TSPAN9: variants seen among roughly 807,000 people sequenced by gnomAD.
The protein encoded by TSPAN9 is tetraspanin-9.
A neutral mutation model predicts 31.0 loss-of-function variants in TSPAN9; 16 were observed. The observed-to-expected ratio is 0.52, with a 90% CI of 0.35 to 0.78. TSPAN9 has a LOEUF of 0.78. Among genes scored for constraint, TSPAN9 ranks in the 30% least tolerant of loss-of-function variants. TSPAN9 has a pLI of 0.01. For missense variants in TSPAN9, 272 were observed against 312.5 expected (o/e 0.87, Z 0.98); for synonymous variants, 145 against 121.6 (o/e 1.19, Z -1.27).
At chr12:3,203,956 G>C (rs1279866670) in intron 3 of TSPAN9, among the ~76,000 whole-genome samples, 1 of 152,198 alleles carries the variant, frequency 6.6e-6, no homozygotes, top group Non-Finnish European at 1.5e-5. Context: ...GAGCAGAATG[G>C]GAAGGGAAAA....
intron 2 of TSPAN9, among the ~76,000 whole-genome samples, chr12:3,142,181 G>T (rs1048798524): frequency 6.6e-6 from 1 of 152,150 alleles, no homozygotes; most frequent in African/African-American, 2.4e-5. Flanking sequence ...CTGGGGTGAC[G>T]CTGCTGGGCC....
chr12:3,159,077 C>T (rs865980244), intron 2 of TSPAN9, among the ~76,000 whole-genome samples: 3 of 151,944 alleles, frequency 2.0e-5, no homozygotes, highest in African/African-American at 7.3e-5. Flanking sequence ...AGCCTATTTA[C>T]ACTTTTATTG....
At chr12:3,221,026 A>G (rs1591686162) in intron 3 of TSPAN9, among the ~76,000 whole-genome samples, 1 of 152,122 alleles carries the variant, frequency 6.6e-6, no homozygotes, top group East Asian at 1.9e-4. Flanking sequence ...CATCAGGCTG[A>G]ACTTTTGCAA....
At chr12:3,081,434 T>C (rs201906536) in intron 1 of TSPAN9, among the ~76,000 whole-genome samples, 3 of 152,158 alleles carry the variant, frequency 2.0e-5, no homozygotes, top group Non-Finnish European at 4.4e-5. Context: ...CGTTCCTTCT[T>C]GGCCCCTTAG....
intron 2 of TSPAN9, among the ~76,000 whole-genome samples, chr12:3,167,898 T>A (rs1175163674): frequency 6.6e-6 from 1 of 152,198 alleles, no homozygotes; most frequent in Non-Finnish European, 1.5e-5. Context: ...TGTGCCTGTT[T>A]GCCTGGACCA....
intron 3 of TSPAN9, among the ~76,000 whole-genome samples, chr12:3,266,626 G>C (rs561933598): frequency 6.6e-6 from 1 of 152,192 alleles, no homozygotes; most frequent in Admixed American, 6.5e-5. Context: ...GACCAGGAGA[G>C]CCCTGAAGTG....
chr12:3,200,420 C>CAG (rs1472548381), intron 2 of TSPAN9: 2 of 152,228 alleles, frequency 1.3e-5, no homozygotes, highest in African/African-American at 4.8e-5. Flanking sequence ...CGGGGCAGCC[C>CAG]AGGGCCGGCG....
At chr12:3,083,776 A>C (rs1348703670) in intron 2 of TSPAN9, 57 bp downstream of exon 2, 4 of 152,258 alleles carry the variant, frequency 2.6e-5, no homozygotes, top group Non-Finnish European at 5.9e-5. Flanking sequence ...TGTGTGTTAT[A>C]ACCTCTGTCT....
chr12:3,202,619 C>A (rs931853321), intron 3 of TSPAN9, among the ~76,000 whole-genome samples: 1 of 152,134 alleles, frequency 6.6e-6, no homozygotes, highest in African/African-American at 2.4e-5. Context: ...CTTGTCCTCA[C>A]GTCACTAGTT....
intron 3 of TSPAN9, among the ~76,000 whole-genome samples, chr12:3,226,950 A>G (rs1296036380): frequency 1.3e-5 from 2 of 150,516 alleles, no homozygotes; most frequent in Admixed American, 1.3e-4. Context: ...GGTTTCCAAC[A>G]GTATCCTTGA....
chr12:3,156,066 C>T (rs1221294366), intron 2 of TSPAN9, among the ~76,000 whole-genome samples: 1 of 152,188 alleles, frequency 6.6e-6, no homozygotes, highest in East Asian at 1.9e-4. Flanking sequence ...CAAAGCTTTT[C>T]TTAGCTGGGA....
intron 2 of TSPAN9, among the ~76,000 whole-genome samples, chr12:3,157,021 C>A (rs2098342590): frequency 6.6e-6 from 1 of 152,114 alleles, no homozygotes. Flanking sequence ...TACAAATTCT[C>A]CCCCGCTGAG....
intron 3 of TSPAN9, among the ~76,000 whole-genome samples, chr12:3,266,701 C>G (rs1862543541): frequency 6.6e-6 from 1 of 152,216 alleles, no homozygotes; most frequent in Non-Finnish European, 1.5e-5. Context: ...CTGAGACCAT[C>G]TCTGGCAGAG....
intron 3 of TSPAN9, among the ~76,000 whole-genome samples, chr12:3,203,691 C>G (rs1024614655): frequency 1.3e-5 from 2 of 152,134 alleles, no homozygotes; most frequent in South Asian, 2.1e-4. Flanking sequence ...ATCTCCAAGA[C>G]CCACTTCTTG....
intron 2 of TSPAN9, among the ~76,000 whole-genome samples, chr12:3,164,781 G>A (rs929378290): frequency 6.6e-6 from 1 of 152,200 alleles, no homozygotes; most frequent in Admixed American, 6.5e-5. Flanking sequence ...CCAGGTTGCT[G>A]CCACCAATGG....
chr12:3,217,525 G>T (rs2098381981), intron 3 of TSPAN9, among the ~76,000 whole-genome samples: 2 of 152,208 alleles, frequency 1.3e-5, no homozygotes. Context: ...TGAGGCAGCG[G>T]TGAGGGCCCT....
chr12:3,249,465 GCT>G (rs1448956862), intron 3 of TSPAN9, among the ~76,000 whole-genome samples: 1 of 152,120 alleles, frequency 6.6e-6, no homozygotes, highest in Admixed American at 6.6e-5. Context: ...TGAAAACTTT[GCT>G]CTCTCCTCAA....
chr12:3,125,259 CACA>C, intron 2 of TSPAN9, among the ~76,000 whole-genome samples: 1 of 151,378 alleles, frequency 6.6e-6, no homozygotes, highest in East Asian at 1.9e-4. Context: ...TCTAGTGAAC[CACA>C]ACAACAAAAA....
chr12:3,252,572 G>GC (rs1383303319), intron 3 of TSPAN9, among the ~76,000 whole-genome samples: 1 of 152,222 alleles, frequency 6.6e-6, no homozygotes, highest in African/African-American at 2.4e-5. Flanking sequence ...GGAGCCTGCC[G>GC]CTAGCTGGGC....
Sources: gnomAD v4.1 joint callset for allele counts (sites outside exome capture counted in the v4.1 genomes callset) on GRCh38, gnomAD v4.1.1 for gene constraint, MANE v1.5 for transcripts, NCBI Gene and HGNC (gene_info 2026-07-23, HGNC 2026-07-21) for gene names.